The following AGBL1 variants were observed in gnomAD, a reference collection of about 807,000 sequenced individuals.
AGBL1 encodes the protein AGBL carboxypeptidase 1.
A neutral mutation model predicts 118.9 loss-of-function variants in AGBL1; 130 were observed. The ratio of observed to expected loss-of-function variants is 1.09; its 90% CI spans 0.95 to 1.26. The LOEUF is 1.26. Ranked by LOEUF, AGBL1 falls within the 50% of genes most tolerant of loss-of-function variation. AGBL1 has a pLI of 0.00. For missense variants in AGBL1, 1,584 were observed against 1,298.1 expected (o/e 1.22, Z -3.38); for synonymous variants, 555 against 478.9 (o/e 1.16, Z -2.08).
At chr15:86,257,537 C>T (rs1286897924) in intron 8 of AGBL1, among the ~76,000 whole-genome samples, 2 of 152,174 alleles carry the variant, frequency 1.3e-5, no homozygotes, top group African/African-American at 2.4e-5. Flanking sequence ...AAGATGCCTT[C>T]TATGGACTTT....
In AGBL1 at chr15:86,247,890, TG is replaced by T; in HGVS notation, c.735+15del. 1 of 1,613,604 alleles carries T rather than the reference TG, an allele frequency of 6.2e-7. No homozygotes were observed. The highest frequency in any genetic ancestry group is 8.5e-7 in the Non-Finnish European group (1 of 1,179,814). On this transcript the variant is annotated intron_variant, in intron 7 of 22. Transcript: ENST00000614907. ...TTCAGCACCACACAGGCAGGCAGCATGGGGATTCACTCTGCAGCTGGAGGCC... is the reference window on the plus strand; with the variant it reads ...TTCAGCACCACACAGGCAGGCAGCATGGGATTCACTCTGCAGCTGGAGGCC...
chr15:86,596,501 A>G (rs1326357624), intron 21 of AGBL1, among the ~76,000 whole-genome samples: 3 of 152,144 alleles, frequency 2.0e-5, no homozygotes, highest in Non-Finnish European at 2.9e-5. Flanking sequence ...CCCCACACCT[A>G]AGCGATCTTC....
chr15:86,104,697 GGA>G (rs1201997689), intron 1 of AGBL1, among the ~76,000 whole-genome samples: 2 of 152,220 alleles, frequency 1.3e-5, no homozygotes, highest in Non-Finnish European at 2.9e-5. Context: ...CCCAGAATGT[GGA>G]GATACAGGGG....
intron 5 of AGBL1, among the ~76,000 whole-genome samples, chr15:86,222,348 A>C (rs1002307589): frequency 6.6e-6 from 1 of 152,108 alleles, no homozygotes; most frequent in Non-Finnish European, 1.5e-5. Flanking sequence ...AAACACTGCA[A>C]CTTCTCTTCT....
At chr15:86,985,184 T>C (rs900464669) in intron 23 of AGBL1, among the ~76,000 whole-genome samples, 4 of 152,220 alleles carry the variant, frequency 2.6e-5, no homozygotes, top group African/African-American at 9.6e-5. Flanking sequence ...TTATTGTGAA[T>C]AAAACCTCTA....
At chr15:86,939,408 A>G (rs1472946086) in intron 23 of AGBL1, among the ~76,000 whole-genome samples, 2 of 152,176 alleles carry the variant, frequency 1.3e-5, no homozygotes, top group Admixed American at 1.3e-4. Context: ...GACTTACACC[A>G]ATGATTTCCC....
At chr15:86,350,849 A>G (rs1033336503) in intron 17 of AGBL1, among the ~76,000 whole-genome samples, 19 of 152,206 alleles carry the variant, frequency 1.2e-4, no homozygotes, top group African/African-American at 4.3e-4. Context: ...CTGTGAAACT[A>G]TTTATGCCCT....
At chr15:86,781,286 T>G (rs1252820742) in intron 22 of AGBL1, among the ~76,000 whole-genome samples, 1 of 152,224 alleles carries the variant, frequency 6.6e-6, no homozygotes, top group Non-Finnish European at 1.5e-5. Context: ...TAGCTCTATA[T>G]TTCCTGCCTT....
chr15:86,803,042 T>C (rs1390613758), intron 22 of AGBL1, among the ~76,000 whole-genome samples: 1 of 152,120 alleles, frequency 6.6e-6, no homozygotes, highest in Non-Finnish European at 1.5e-5. Flanking sequence ...TTCTTTTGTA[T>C]TTACCTTGTT....
chr15:86,202,662 A>T (rs2077926444), intron 5 of AGBL1, among the ~76,000 whole-genome samples: 1 of 152,198 alleles, frequency 6.6e-6, no homozygotes, highest in Admixed American at 6.5e-5. Flanking sequence ...TAATCCTTAA[A>T]ATACCAAAGT....
At chr15:86,925,191 A>AAAG (rs1567243045) in intron 23 of AGBL1, among the ~76,000 whole-genome samples, 3 of 104,066 alleles carry the variant, frequency 2.9e-5, no homozygotes, top group Middle Eastern at 5.7e-3. Context: ...AAGAGGAAGA[A>AAAG]AAGAAGAAAA....
At chr15:86,634,890 T>C (rs1039233815) in intron 21 of AGBL1, among the ~76,000 whole-genome samples, 1 of 149,776 alleles carries the variant, frequency 6.7e-6, no homozygotes, top group African/African-American at 2.5e-5. Context: ...GCATAATCTC[T>C]AAAAGACATT....
At chr15:86,938,671 G>A (rs2080708623) in intron 23 of AGBL1, 1 of 152,334 alleles carries the variant, frequency 6.6e-6, no homozygotes, top group East Asian at 1.9e-4. Flanking sequence ...AGCAAGGTAT[G>A]AGGTTTTGGA....
chr15:86,158,388 G>A (rs1032137766), intron 4 of AGBL1, among the ~76,000 whole-genome samples: 8 of 152,114 alleles, frequency 5.3e-5, no homozygotes, highest in Non-Finnish European at 1.2e-4. Flanking sequence ...AAAGCACAAG[G>A]CATTCATAGG....
At chr15:86,476,375 G>A (rs2082559154) in intron 18 of AGBL1, among the ~76,000 whole-genome samples, 1 of 152,078 alleles carries the variant, frequency 6.6e-6, no homozygotes, top group African/African-American at 2.4e-5. Context: ...AAAATAAAGG[G>A]GTGGAGAAAG....
chr15:86,464,242 T>C (rs1210516637), intron 18 of AGBL1, among the ~76,000 whole-genome samples: 1 of 152,192 alleles, frequency 6.6e-6, no homozygotes, highest in African/African-American at 2.4e-5. Context: ...TCTCTGTTTG[T>C]CTATTATTGG....
chr15:86,772,821 A>AT (rs1353600255), intron 22 of AGBL1, among the ~76,000 whole-genome samples: 2 of 152,106 alleles, frequency 1.3e-5, no homozygotes, highest in African/African-American at 4.8e-5. Context: ...ATACTTTGAA[A>AT]TTGAGCAACA....
chr15:87,016,416 T>G (rs2081608557), intron 24 of AGBL1, among the ~76,000 whole-genome samples: 1 of 152,132 alleles, frequency 6.6e-6, no homozygotes. Context: ...AATGAGTGGG[T>G]GCTTGCTAGG....
At chr15:86,873,651 G>C (rs1196768689) in intron 22 of AGBL1, among the ~76,000 whole-genome samples, 1 of 152,122 alleles carries the variant, frequency 6.6e-6, no homozygotes, top group East Asian at 1.9e-4. Context: ...CAGCTAGATG[G>C]TGCCATTTAT....
Sources: allele counts gnomAD v4.1 joint callset (sites outside exome capture counted in the v4.1 genomes callset), GRCh38; gene constraint gnomAD v4.1.1; transcripts MANE v1.5; gene names NCBI Gene and HGNC (gene_info 2026-07-23, HGNC 2026-07-21).